The following STK10 variants were observed in gnomAD, a reference collection of about 807,000 sequenced individuals.
STK10 encodes the protein serine/threonine-protein kinase 10.
In STK10, 78 loss-of-function variants were observed where a neutral mutation model predicts 113.8. The observed-to-expected ratio is 0.69, with a 90% confidence interval of 0.57 to 0.83. The LOEUF is 0.83. Among genes scored for constraint, STK10 ranks in the 40% least tolerant of loss-of-function variants. STK10 has a pLI of 0.00. For missense variants in STK10, 1,109 were observed against 1,280.1 expected (o/e 0.87, Z 2.04); for synonymous variants, 465 against 494.7 (o/e 0.94, Z 0.80).
Position 172,106,706 on chromosome 5 carries a change from C to G in STK10, c.702G>C (p.Glu234Asp), listed in dbSNP as rs2113764614. 2 of 1,614,042 alleles carry G rather than the reference C, an allele frequency of 1.2e-6. No homozygotes were observed. The highest frequency in any genetic ancestry group is 1.7e-6 in the Non-Finnish European group (2 of 1,180,014). Residue 234 changes from glutamate (E) to aspartate (D), a missense_variant, in exon 6 of 19, where the codon GAG becomes GAC. By Grantham distance (45) the Glu-to-Asp change is conservative. Coordinates refer to ENST00000176763, the MANE Select transcript of STK10 (RefSeq NM_005990.4). ...GITLIEMAQI[E>D]PPHHELNPMR... ...TGGGGTTGAGCTCGTGGTGTGGCGG[C>G]TCGATCTGGGCCATCTCAATCAGCG... is the stretch of plus-strand genomic sequence containing the variant.
intron 4 of STK10, among the ~76,000 whole-genome samples, chr5:172,116,594 G>A (rs6889774): frequency 0.19 from 28,383 of 151,934 alleles, 3,369 homozygotes; most frequent in African/African-American, 0.34. Context: ...TGAGCCGGGC[G>A]GGGTGGTTCA....
chr5:172,185,409 C>T (rs932165324), intron 1 of STK10, among the ~76,000 whole-genome samples: 1 of 152,106 alleles, frequency 6.6e-6, no homozygotes, highest in South Asian at 2.1e-4. Flanking sequence ...GCTGGGATTA[C>T]GGGCATGCAT....
At chr5:172,064,601 A>T in intron 13 of STK10, 119 bp downstream of exon 13, 1 of 1,003,118 alleles carries the variant, frequency 1.0e-6, no homozygotes, top group Non-Finnish European at 1.5e-6. Context: ...GGCCAGATTT[A>T]GGTATTCAGA....
At position 172,052,325 on chromosome 5, in the gene STK10, T is replaced by A. The variant is rs548784596; in HGVS notation, c.2766+604A>T. Among the ~76,000 whole-genome samples, 6 of 152,192 alleles carry A rather than the reference T, an allele frequency of 3.9e-5. No homozygotes were observed. The South Asian group carries it at 1.2e-3, about 32-fold the overall frequency. On this transcript the variant is annotated intron_variant, in intron 18 of 18. Transcript: ENST00000176763. ...AGACCTACAGCCATAAGGAACTGGA[T>A]TCTGTCGAAAGCTGAATGGGTTTGG...
chr5:172,048,388 T>G (rs187470476), intron 18 of STK10, among the ~76,000 whole-genome samples: 205 of 143,952 alleles, frequency 1.4e-3, no homozygotes, highest in African/African-American at 5.2e-3. Flanking sequence ...TTAAAATAAC[T>G]AAATCAATTT....
intron 2 of STK10, among the ~76,000 whole-genome samples, chr5:172,142,941 A>G (rs1356742829): frequency 6.6e-6 from 1 of 152,186 alleles, no homozygotes; most frequent in Non-Finnish European, 1.5e-5. Flanking sequence ...TCTGGGCCCT[A>G]CTGGTCAGCA....
chr5:172,061,289 A>G lies in STK10; in HGVS notation c.2083-21T>C, dbSNP rs201374096. ...CGGTCCTGTGGGGAGAGAGGAGGAC[A>G]GGCCTTTATCCAGAGCCGGCTTGGG... On this transcript the variant is annotated intron_variant, in intron 13 of 18. Transcript: ENST00000176763. 3.0e-3 allele frequency: 4,808 copies of G among 1,602,312 alleles called. 29 individuals are homozygous for G. The highest frequency in any genetic ancestry group is 0.012 in the South Asian group (1,063 of 90,400).
intron 3 of STK10, among the ~76,000 whole-genome samples, chr5:172,126,018 A>G (rs1215330744): frequency 1.3e-5 from 2 of 152,142 alleles, no homozygotes; most frequent in Admixed American, 6.5e-5. Flanking sequence ...TCCTGAGGTA[A>G]ACTCAGGGAA....
At chr5:172,161,388 G>C (rs949668113) in intron 1 of STK10, among the ~76,000 whole-genome samples, 3 of 151,386 alleles carry the variant, frequency 2.0e-5, no homozygotes, top group Non-Finnish European at 4.4e-5. Flanking sequence ...AGGAGGTGGA[G>C]ATTGCAGTGA....
chr5:172,055,621 G>GC lies in STK10; in HGVS notation c.2492dup (p.Ser832GlnfsTer4). Reference sequence around the variant, plus strand: ...TCTTCTCACGCTGCTCAGCTGCGCTGCCCCCGCCGTTGATGTGGAGGCTCT... The same window carrying GC: ...TCTTCTCACGCTGCTCAGCTGCGCTGCCCCCCGCCGTTGATGTGGAGGCTCT... On this transcript the variant is annotated frameshift_variant, in exon 16 of 19. Coordinates refer to ENST00000176763, the MANE Select transcript of STK10 (RefSeq NM_005990.4). LOFTEE classifies it high-confidence loss of function. The GC allele has an allele frequency of 6.4e-7, 1 of 1,550,986 alleles. No individual in the cohort carries two copies. Among genetic ancestry groups the GC allele is most frequent in the Non-Finnish European group, 8.7e-7 (1 of 1,144,054 alleles).
chr5:172,177,641 C>T (rs924306931), intron 1 of STK10, among the ~76,000 whole-genome samples: 1 of 152,246 alleles, frequency 6.6e-6, no homozygotes, highest in Non-Finnish European at 1.5e-5. Context: ...GAATACAACA[C>T]ATTGCTTTAA....
intron 2 of STK10, among the ~76,000 whole-genome samples, chr5:172,147,658 C>A (rs760083433): frequency 6.6e-6 from 1 of 152,178 alleles, no homozygotes; most frequent in South Asian, 2.1e-4. Context: ...TCCCTAAGTG[C>A]TGGGATTACA....
rs894801031 is a variant in STK10 at position 172,042,185 on chromosome 5, T to C, written c.*2697A>G. ...AGTCTGGAAACTACATAAAAATAAT[T>C]TCTATCTTTCATAAAGGGAAAATAA... On this transcript the variant is annotated 3_prime_UTR_variant, in exon 19 of 19. Transcript: ENST00000176763. 5.2e-5 allele frequency: 8 copies of C among 152,606 alleles called. No individual in the cohort carries two copies. Among genetic ancestry groups the C allele is most frequent in the Non-Finnish European group, 1.5e-5 (1 of 68,034 alleles). The allele number at this position is 152,606 out of a possible 1,614,324, so 9.5% of individuals were successfully genotyped here. A position where few individuals can be genotyped will look rare whatever the true frequency, so the allele number is the denominator to read the frequency against.
At chr5:172,067,824 G>C (rs1175893095) in intron 12 of STK10, among the ~76,000 whole-genome samples, 1 of 151,940 alleles carries the variant, frequency 6.6e-6, no homozygotes, top group Non-Finnish European at 1.5e-5. Flanking sequence ...GGAACTTATG[G>C]GAAAATTATC....
intron 10 of STK10, among the ~76,000 whole-genome samples, chr5:172,084,879 G>A (rs534104098): frequency 6.6e-6 from 1 of 152,238 alleles, no homozygotes; most frequent in South Asian, 2.1e-4. Context: ...GCAGATTTTG[G>A]AGCATTTTGG....
At chr5:172,073,904 G>A (rs1768253131) in intron 12 of STK10, among the ~76,000 whole-genome samples, 1 of 151,238 alleles carries the variant, frequency 6.6e-6, no homozygotes, top group Admixed American at 6.6e-5. Context: ...GGCGGAGGTT[G>A]TAGTGAGCCA....
intron 6 of STK10, among the ~76,000 whole-genome samples, chr5:172,106,334 C>T (rs1173726378): frequency 7.1e-6 from 1 of 140,092 alleles, no homozygotes; most frequent in African/African-American, 2.7e-5. Flanking sequence ...CCTAGGAGGT[C>T]GAGGTTGCAG....
chr5:172,166,797 A>G (rs1301539117), intron 1 of STK10, among the ~76,000 whole-genome samples: 2 of 152,226 alleles, frequency 1.3e-5, no homozygotes, highest in Non-Finnish European at 2.9e-5. Context: ...AATAGGTTTT[A>G]AAAGCCATGA....
chr5:172,149,560 C>CCCAAAGGT (rs1770165969), intron 2 of STK10, among the ~76,000 whole-genome samples: 1 of 37,764 alleles, frequency 2.6e-5, no homozygotes, highest in Non-Finnish European at 4.5e-5. Context: ...AACCGGGTGC[C>CCCAAAGGT]CCAATCCAGA....
Sources: gnomAD v4.1 joint callset for allele counts (sites outside exome capture counted in the v4.1 genomes callset) on GRCh38, gnomAD v4.1.1 for gene constraint, MANE v1.5 for transcripts, NCBI Gene and HGNC (gene_info 2026-07-23, HGNC 2026-07-21) for gene names.